The following GALNTL6 variants were observed in gnomAD, a reference collection of about 807,000 sequenced individuals.
The protein encoded by GALNTL6 is polypeptide N-acetylgalactosaminyltransferase like 6.
Under a neutral mutation model 73.7 loss-of-function variants are expected in GALNTL6, and 46 were observed. The observed-to-expected ratio is 0.62, with a 90% confidence interval of 0.49 to 0.80. The LOEUF is 0.80. Ranked by LOEUF, GALNTL6 falls within the 30% of genes least tolerant of loss-of-function variation. GALNTL6 has a pLI of 0.00. For synonymous variants in GALNTL6, 259 were observed against 263.7 expected (o/e 0.98, Z 0.17); for missense variants, 604 against 755.0 (o/e 0.80, Z 2.34).
chr4:172,346,988 C>CTTTTT (rs34332250), intron 4 of GALNTL6, among the ~76,000 whole-genome samples: 289 of 114,328 alleles, frequency 2.5e-3, no homozygotes, highest in Middle Eastern at 4.9e-3. Flanking sequence ...TGTTTTCTTT[C>CTTTTT]TTTTTTTTTT....
At chr4:172,662,625 C>T (rs559601417) in intron 5 of GALNTL6, among the ~76,000 whole-genome samples, 1 of 152,252 alleles carries the variant, frequency 6.6e-6, no homozygotes, top group South Asian at 2.1e-4. Context: ...TTGCTCCTGC[C>T]TAATTGGTAT....
intron 2 of GALNTL6, among the ~76,000 whole-genome samples, chr4:172,014,186 G>A (rs561769999): frequency 6.6e-6 from 1 of 152,152 alleles, no homozygotes; most frequent in Non-Finnish European, 1.5e-5. Context: ...AAACATGGGA[G>A]TGCAGATATC....
At chr4:172,030,864 C>A (rs1741747288) in intron 2 of GALNTL6, among the ~76,000 whole-genome samples, 1 of 151,816 alleles carries the variant, frequency 6.6e-6, no homozygotes, top group Non-Finnish European at 1.5e-5. Context: ...AATTTTACAG[C>A]ATCTGGAAAT....
chr4:171,842,331 C>A (rs1213473799), intron 2 of GALNTL6, among the ~76,000 whole-genome samples: 1 of 152,048 alleles, frequency 6.6e-6, no homozygotes, highest in African/African-American at 2.4e-5. Flanking sequence ...TTCTGAAATG[C>A]AATCCCCAAA....
intron 5 of GALNTL6, among the ~76,000 whole-genome samples, chr4:172,774,690 T>C (rs1738971623): frequency 1.3e-5 from 2 of 152,170 alleles, no homozygotes; most frequent in Admixed American, 6.5e-5. Flanking sequence ...GCTGGGCTTG[T>C]GGCTCACACC....
chr4:173,036,596 A>C (rs935370786), intron 12 of GALNTL6, among the ~76,000 whole-genome samples: 28 of 152,338 alleles, frequency 1.8e-4, no homozygotes, highest in African/African-American at 5.1e-4. Flanking sequence ...AAAACAAAAC[A>C]AAACCAAAAC....
intron 2 of GALNTL6, among the ~76,000 whole-genome samples, chr4:171,848,730 T>C (rs1270713799): frequency 6.6e-6 from 1 of 152,164 alleles, no homozygotes; most frequent in Non-Finnish European, 1.5e-5. Flanking sequence ...TTTCCTCACA[T>C]CTCTTGTCCT....
chr4:172,136,274 T>C (rs1303710319), intron 2 of GALNTL6, among the ~76,000 whole-genome samples: 1 of 152,088 alleles, frequency 6.6e-6, no homozygotes, highest in African/African-American at 2.4e-5. Context: ...CTTTGTAAAA[T>C]TGGATTAAAT....
chr4:173,025,856 A>G (rs978043798), intron 12 of GALNTL6, among the ~76,000 whole-genome samples: 6 of 150,842 alleles, frequency 4.0e-5, no homozygotes, highest in African/African-American at 1.5e-4. Flanking sequence ...CTTCACCAAC[A>G]TAATAATGAT....
chr4:172,488,975 G>T (rs1451882123), intron 5 of GALNTL6, among the ~76,000 whole-genome samples: 1 of 152,114 alleles, frequency 6.6e-6, no homozygotes, highest in Non-Finnish European at 1.5e-5. Context: ...CATTCCATTC[G>T]TCTACTCAAG....
chr4:172,207,809 C>G (rs1222429516), intron 2 of GALNTL6, among the ~76,000 whole-genome samples: 1 of 152,144 alleles, frequency 6.6e-6, no homozygotes, highest in African/African-American at 2.4e-5. Flanking sequence ...AATGAAAAGC[C>G]TTCATAACTT....
At chr4:172,078,414 T>C (rs913477299) in intron 2 of GALNTL6, among the ~76,000 whole-genome samples, 1 of 151,182 alleles carries the variant, frequency 6.6e-6, no homozygotes, top group Non-Finnish European at 1.5e-5. Flanking sequence ...CCTGTGGAAC[T>C]GTGAGTCAAT....
chr4:172,364,319 G>A (rs1561046848), intron 5 of GALNTL6, among the ~76,000 whole-genome samples: 1 of 152,120 alleles, frequency 6.6e-6, no homozygotes, highest in East Asian at 1.9e-4. Context: ...TACTCTGGAG[G>A]CTGTGGGAGG....
chr4:172,713,608 A>G (rs557322336), intron 5 of GALNTL6, among the ~76,000 whole-genome samples: 97 of 152,250 alleles, frequency 6.4e-4, no homozygotes, highest in African/African-American at 2.2e-3. Flanking sequence ...GCATAAAATT[A>G]ACTGTCACAT....
chr4:172,924,510 CAG>C (rs963670822), intron 8 of GALNTL6, among the ~76,000 whole-genome samples: 10 of 152,168 alleles, frequency 6.6e-5, no homozygotes, highest in Admixed American at 5.9e-4. Context: ...GAGCATGAAA[CAG>C]GGAATCCCAA....
At chr4:172,156,938 C>T (rs1011370989) in intron 2 of GALNTL6, among the ~76,000 whole-genome samples, 11 of 152,020 alleles carry the variant, frequency 7.2e-5, no homozygotes, top group African/African-American at 2.7e-4. Context: ...ACTTGTTTTC[C>T]TGTAATCAGC....
rs554130671 is a variant in GALNTL6 at position 172,966,438 on chromosome 4, A to T, written c.1371+14180A>T. ...GAGATGGAGTTTTGCTCTGTCACGCAGGCTGGAGTGCAGTCGCATGATCTC... is the reference window on the plus strand; with the variant it reads ...GAGATGGAGTTTTGCTCTGTCACGCTGGCTGGAGTGCAGTCGCATGATCTC... On this transcript the variant is annotated intron_variant, in intron 10 of 12. Transcript: ENST00000506823. Among the ~76,000 whole-genome samples the T allele has an allele frequency of 8.6e-5, 13 of 151,010 alleles. No homozygotes were observed. In the East Asian group the frequency reaches 2.6e-3, roughly 30 times the overall value.
chr4:172,644,147 T>C (rs895136189), intron 5 of GALNTL6, among the ~76,000 whole-genome samples: 2 of 151,974 alleles, frequency 1.3e-5, no homozygotes, highest in Admixed American at 1.3e-4. Flanking sequence ...TGAAATTTTA[T>C]ATGTACAGTA....
intron 2 of GALNTL6, among the ~76,000 whole-genome samples, chr4:171,871,979 G>A (rs1736149553): frequency 6.6e-6 from 1 of 152,098 alleles, no homozygotes; most frequent in Non-Finnish European, 1.5e-5. Context: ...AACTCTGAAT[G>A]TAAATTGTAG....
Sources: gnomAD v4.1 joint callset for allele counts (sites outside exome capture counted in the v4.1 genomes callset) on GRCh38, gnomAD v4.1.1 for gene constraint, MANE v1.5 for transcripts, NCBI Gene and HGNC (gene_info 2026-07-23, HGNC 2026-07-21) for gene names.